The following FBXW4 variants were observed in gnomAD, a reference collection of about 807,000 sequenced individuals.
FBXW4 encodes the protein F-box/WD repeat-containing protein 4.
FBXW4 carries 40 observed loss-of-function variants against 61.8 expected under a neutral mutation model. The observed-to-expected ratio is 0.65, with a 90% confidence interval of 0.50 to 0.84. The LOEUF is 0.84. Ranked by LOEUF, FBXW4 falls within the 40% of genes least tolerant of loss-of-function variation. FBXW4 has a pLI of 0.00. For missense variants in FBXW4, 672 were observed against 753.8 expected, an observed-to-expected ratio of 0.89 and a Z score of 1.27; for synonymous variants, 311 against 313.8, an observed-to-expected ratio of 0.99 and a Z score of 0.10.
At chr10:101,618,832 C>T (rs2063845508) in intron 6 of FBXW4, among the ~76,000 whole-genome samples, 1 of 152,112 alleles carries the variant, frequency 6.6e-6, no homozygotes, top group Non-Finnish European at 1.5e-5. Context: ...CTATCAGGGG[C>T]CCAGCTGTGC....
intron 5 of FBXW4, among the ~76,000 whole-genome samples, chr10:101,663,079 G>A (rs762481470): frequency 2.9e-4 from 44 of 152,164 alleles, no homozygotes; most frequent in Non-Finnish European, 5.4e-4. Context: ...CAGGACATGG[G>A]AACAGGCTAG....
At chr10:101,639,609 G>A (rs775886637) in intron 5 of FBXW4, among the ~76,000 whole-genome samples, 1 of 152,240 alleles carries the variant, frequency 6.6e-6, no homozygotes, top group Non-Finnish European at 1.5e-5. Context: ...CCTGGCCACA[G>A]TTAATTAATC....
rs769259928 is a variant in FBXW4, at chr10:101,611,908, T to G, written c.1443-139A>C. 4 of 1,110,888 alleles carry G rather than the reference T, an allele frequency of 3.6e-6. No homozygotes were observed. The highest frequency in any genetic ancestry group is 5.0e-6 in the Non-Finnish European group (4 of 803,844). 68.8% of individuals were successfully genotyped at this position (1,110,888 alleles called of 1,614,324 possible). ...AGAGAAAGAAGCCTAAATCATCAGA[T>G]TCATCAAAAACCGAACTTCATGGGA... is the stretch of plus-strand genomic sequence containing the variant. On this transcript the variant is annotated intron_variant, in intron 7 of 8. Coordinates refer to ENST00000331272, the MANE Select transcript of FBXW4 (RefSeq NM_022039.4). The surrounding 1 kb of genome is among the most constrained non-coding windows in gnomAD (Gnocchi z 4.9).
intron 5 of FBXW4, chr10:101,626,458 T>C (rs1279808093): frequency 6.6e-6 from 1 of 152,388 alleles, no homozygotes; most frequent in African/African-American, 2.4e-5. Flanking sequence ...ATTTGAGGAG[T>C]GGGGGCCAGG....
intron 5 of FBXW4, among the ~76,000 whole-genome samples, chr10:101,644,501 T>C (rs1335473095): frequency 2.0e-5 from 3 of 152,142 alleles, no homozygotes; most frequent in Non-Finnish European, 4.4e-5. Context: ...GATGGCAAAC[T>C]GAACCTGAGC....
chr10:101,632,028 T>C (rs1197898340), intron 5 of FBXW4, among the ~76,000 whole-genome samples: 1 of 152,162 alleles, frequency 6.6e-6, no homozygotes, highest in Non-Finnish European at 1.5e-5. Context: ...GTACAGCTAG[T>C]GTTAGCAACC....
chr10:101,686,446 G>T (rs1564927695), intron 1 of FBXW4, among the ~76,000 whole-genome samples: 1 of 152,088 alleles, frequency 6.6e-6, no homozygotes, highest in Non-Finnish European at 1.5e-5. Flanking sequence ...GGCTGATCTA[G>T]TACTTTCTAA....
chr10:101,661,607 C>T (rs937268535), intron 5 of FBXW4, among the ~76,000 whole-genome samples: 2 of 152,042 alleles, frequency 1.3e-5, no homozygotes, highest in Non-Finnish European at 2.9e-5. Context: ...GGTGTCATGA[C>T]GCCCCTTCTA....
intron 6 of FBXW4, among the ~76,000 whole-genome samples, chr10:101,622,403 T>C (rs2063873369): frequency 1.3e-5 from 2 of 152,164 alleles, no homozygotes; most frequent in South Asian, 2.1e-4. Context: ...ATTTTAAACA[T>C]TTGCTCTTCA....
intron 1 of FBXW4, among the ~76,000 whole-genome samples, chr10:101,687,674 T>C (rs1040810598): frequency 6.6e-6 from 1 of 152,146 alleles, no homozygotes. Context: ...CCTGTCCCAA[T>C]ACCACACACT....
chr10:101,683,653 G>A (rs1293582243), intron 1 of FBXW4, among the ~76,000 whole-genome samples: 1 of 152,132 alleles, frequency 6.6e-6, no homozygotes, highest in Non-Finnish European at 1.5e-5. Flanking sequence ...CTGGGGGGAA[G>A]GAAGGGGAAG....
At chr10:101,666,997 C>T (rs12356764) in intron 5 of FBXW4, among the ~76,000 whole-genome samples, 23,262 of 151,768 alleles carry the variant, frequency 0.15, 2,059 homozygotes, top group Middle Eastern at 0.22. Context: ...TTTGGGAGGC[C>T]GAGGCAGGCG....
chr10:101,627,713 C>T (rs1445444624), intron 5 of FBXW4, among the ~76,000 whole-genome samples: 1 of 152,206 alleles, frequency 6.6e-6, no homozygotes, highest in East Asian at 1.9e-4. Flanking sequence ...CTTCACATCT[C>T]ACAATGAGCC....
chr10:101,645,521 T>C, intron 5 of FBXW4, among the ~76,000 whole-genome samples: 1 of 152,234 alleles, frequency 6.6e-6, no homozygotes. Flanking sequence ...TGGAAGGTCC[T>C]GCTCTGGGAC....
Position 101,619,106 on chromosome 10 carries a change from C to CAT in FBXW4, c.1301+5638_1301+5639insAT, listed in dbSNP as rs2063847942. Among the ~76,000 whole-genome samples, 3 of 152,126 alleles carry CAT rather than the reference C, an allele frequency of 2.0e-5. No homozygotes were observed. The South Asian group carries it at 6.2e-4, about 32-fold the overall frequency. On this transcript the variant is annotated intron_variant, in intron 6 of 8. Transcript: ENST00000331272. The stretch of plus-strand genomic sequence containing the variant: ...GATTCCTCCAAACTCCAGGCTCGGG[C>CAT]AGGATGGCTTTGGCATAGTTCCTCA...
chr10:101,671,907 G>A (rs957589356), intron 4 of FBXW4, among the ~76,000 whole-genome samples: 1 of 152,278 alleles, frequency 6.6e-6, no homozygotes, highest in East Asian at 1.9e-4. Context: ...AACAGTAAAG[G>A]GAGGAGAAAC....
intron 5 of FBXW4, among the ~76,000 whole-genome samples, chr10:101,653,864 T>C (rs2064163993): frequency 6.6e-6 from 1 of 152,182 alleles, no homozygotes; most frequent in Admixed American, 6.5e-5. Flanking sequence ...GGCTCACGAC[T>C]GTAATCCCAG....
chr10:101,675,722 T>C (rs2064401557), intron 2 of FBXW4, among the ~76,000 whole-genome samples: 1 of 152,216 alleles, frequency 6.6e-6, no homozygotes, highest in Non-Finnish European at 1.5e-5. Context: ...AATTTTTTGG[T>C]AGAGAGTCAA....
intron 6 of FBXW4, among the ~76,000 whole-genome samples, chr10:101,614,770 A>G (rs1262571705): frequency 2.0e-5 from 3 of 152,180 alleles, no homozygotes; most frequent in African/African-American, 7.2e-5. Context: ...TTAAGTTCAG[A>G]GCATAAACTG....
Sources: allele counts gnomAD v4.1 joint callset (sites outside exome capture counted in the v4.1 genomes callset), GRCh38; gene constraint gnomAD v4.1.1; non-coding constraint Gnocchi (gnomAD v3.1); transcripts MANE v1.5; gene names NCBI Gene and HGNC (gene_info 2026-07-23, HGNC 2026-07-21).